Variants in DOCK3 observed in about 807,000 individuals in gnomAD.
DOCK3 encodes the protein dedicator of cytokinesis protein 3.
In DOCK3, 60 loss-of-function variants were observed where a neutral mutation model predicts 265.6. The observed-to-expected ratio is 0.23, with a 90% CI of 0.18 to 0.28. The LOEUF (loss-of-function observed/expected upper bound fraction) is 0.28. Among genes scored for constraint, DOCK3 ranks in the 10% least tolerant of loss-of-function variants. The pLI is 1.00. For missense variants in DOCK3, 1,981 were observed against 2,594.3 expected (o/e 0.76, Z 5.14); for synonymous variants, 881 against 938.0 (o/e 0.94, Z 1.11).
intron 1 of DOCK3, among the ~76,000 whole-genome samples, chr3:50,693,909 C>T (rs112255642): frequency 1.8e-4 from 28 of 152,198 alleles, no homozygotes; most frequent in African/African-American, 6.7e-4. Context: ...ATTTTATGTC[C>T]TGCAACTGCT....
At chr3:51,271,232 G>A (rs1288330681) in intron 24 of DOCK3, among the ~76,000 whole-genome samples, 1 of 152,152 alleles carries the variant, frequency 6.6e-6, no homozygotes, top group East Asian at 1.9e-4. Flanking sequence ...CCACACATAG[G>A]GGCATGTCAC....
chr3:51,087,700 T>C (rs1176663996), intron 7 of DOCK3, among the ~76,000 whole-genome samples: 1 of 152,146 alleles, frequency 6.6e-6, no homozygotes, highest in Non-Finnish European at 1.5e-5. Context: ...TTGTTCCTCT[T>C]TGTAGATGAT....
chr3:50,718,771 ATTTTTTTTTTTTTT>A (rs373965842), intron 1 of DOCK3, among the ~76,000 whole-genome samples: 5 of 76,966 alleles, frequency 6.5e-5, no homozygotes, highest in East Asian at 8.2e-4. Flanking sequence ...TTGTGGGTTG[ATTTTTTTTTTTTTT>A]TTTTTTTTTT....
intron 5 of DOCK3, among the ~76,000 whole-genome samples, chr3:51,022,014 A>C (rs781542856): frequency 6.6e-6 from 1 of 152,192 alleles, no homozygotes; most frequent in East Asian, 1.9e-4. Context: ...AATGTGATCC[A>C]TGTCACCTTT....
intron 27 of DOCK3, among the ~76,000 whole-genome samples, chr3:51,283,754 C>T (rs1277280845): frequency 3.9e-5 from 6 of 152,190 alleles, no homozygotes; most frequent in Admixed American, 3.3e-4. Context: ...ATAGCTTCTA[C>T]CCAAGGGACT....
chr3:50,718,300 C>T (rs188769733), intron 1 of DOCK3, among the ~76,000 whole-genome samples: 1 of 152,272 alleles, frequency 6.6e-6, no homozygotes, highest in African/African-American at 2.4e-5. Flanking sequence ...AAGATATTCC[C>T]TGAGTTTTTG....
intron 9 of DOCK3, among the ~76,000 whole-genome samples, chr3:51,119,136 C>T (rs1041420113): frequency 2.6e-5 from 4 of 151,938 alleles, no homozygotes; most frequent in Non-Finnish European, 5.9e-5. Context: ...ATAGTTAGTG[C>T]CTCCTTCTGT....
intron 1 of DOCK3, among the ~76,000 whole-genome samples, chr3:50,740,937 CT>C (rs1463978785): frequency 1.3e-5 from 2 of 151,922 alleles, no homozygotes; most frequent in African/African-American, 2.4e-5. Context: ...AGTTCCCGAA[CT>C]TTTTTATTAC....
intron 3 of DOCK3, among the ~76,000 whole-genome samples, chr3:50,870,428 T>C (rs1263568063): frequency 6.6e-6 from 1 of 152,186 alleles, no homozygotes; most frequent in Non-Finnish European, 1.5e-5. Context: ...TATAGCCACT[T>C]CTACTCTTTT....
chr3:50,792,488 A>G (rs2042530974), intron 2 of DOCK3, among the ~76,000 whole-genome samples: 1 of 152,160 alleles, frequency 6.6e-6, no homozygotes, highest in African/African-American at 2.4e-5. Flanking sequence ...TTCCAATACT[A>G]TGTTGACTAG....
At chr3:50,776,128 G>T (rs1038983886) in intron 1 of DOCK3, among the ~76,000 whole-genome samples, 3 of 152,028 alleles carry the variant, frequency 2.0e-5, no homozygotes, top group Admixed American at 2.0e-4. Context: ...TGGATCGAAT[G>T]GCAGATCTAT....
intron 1 of DOCK3, among the ~76,000 whole-genome samples, chr3:50,693,751 A>G (rs1430538212): frequency 1.3e-5 from 2 of 150,058 alleles, no homozygotes; most frequent in South Asian, 2.1e-4. Context: ...TGGCCAGGCT[A>G]TTTTCAAACT....
intron 5 of DOCK3, among the ~76,000 whole-genome samples, chr3:51,057,890 TG>T (rs1188649286): frequency 6.6e-6 from 1 of 152,244 alleles, no homozygotes; most frequent in African/African-American, 2.4e-5. Flanking sequence ...TTCATGTATT[TG>T]GAAACAACTG....
chr3:50,802,600 C>T (rs1290826991), intron 2 of DOCK3, among the ~76,000 whole-genome samples: 1 of 152,036 alleles, frequency 6.6e-6, no homozygotes, highest in Admixed American at 6.5e-5. Flanking sequence ...TATATCATCC[C>T]ACTCTCTATT....
At chr3:51,206,258 A>T (rs1181731689) in intron 12 of DOCK3, among the ~76,000 whole-genome samples, 1 of 152,214 alleles carries the variant, frequency 6.6e-6, no homozygotes, top group Non-Finnish European at 1.5e-5. Flanking sequence ...TAACCAATTG[A>T]CCTTGGCAAT....
chr3:50,848,824 A>G (rs2046217000), intron 3 of DOCK3, among the ~76,000 whole-genome samples: 1 of 152,132 alleles, frequency 6.6e-6, no homozygotes, highest in Non-Finnish European at 1.5e-5. Context: ...TCTTGTGTCT[A>G]GATGTCTTCC....
In DOCK3 at chr3:51,339,090, A is replaced by T. The variant is rs900934961; in HGVS notation, c.3766+62A>T. 2.9e-6 allele frequency: 4 copies of T among 1,384,330 alleles called. No homozygotes were observed. In the East Asian group the frequency reaches 9.9e-5, roughly 34 times the overall value. The allele number at this position is 1,384,330 out of a possible 1,614,324, so 85.8% of individuals were successfully genotyped here. On this transcript the variant is annotated intron_variant, in intron 37 of 52. Transcript: ENST00000266037. ...AGGACAAACTGAAGGGATTTGTACA[A>T]TAGGCAGAGAAAGGCTTCAGGCTGG...
intron 2 of DOCK3, among the ~76,000 whole-genome samples, chr3:50,838,318 G>C (rs996432399): frequency 6.6e-6 from 1 of 152,206 alleles, no homozygotes; most frequent in Non-Finnish European, 1.5e-5. Context: ...GTTAAAGTTA[G>C]ACGTAAGTCT....
chr3:50,928,350 C>T (rs2050880798), intron 4 of DOCK3, among the ~76,000 whole-genome samples: 1 of 152,140 alleles, frequency 6.6e-6, no homozygotes, highest in East Asian at 1.9e-4. Context: ...TATTTTCTGT[C>T]TCTATGAATT....
Sources: gnomAD v4.1 joint callset for allele counts (sites outside exome capture counted in the v4.1 genomes callset) on GRCh38, gnomAD v4.1.1 for gene constraint, MANE v1.5 for transcripts, NCBI Gene and HGNC (gene_info 2026-07-23, HGNC 2026-07-21) for gene names.